ZNF449: variants seen among roughly 807,000 people sequenced by gnomAD.
The protein encoded by ZNF449 is zinc finger and SCAN domain-containing protein 19.
A neutral mutation model predicts 32.6 loss-of-function variants in ZNF449; 4 were observed. The ratio of observed to expected loss-of-function variants is 0.12; its 90% CI spans 0.06 to 0.28. ZNF449 has a LOEUF of 0.28. Among genes scored for constraint, ZNF449 ranks in the 10% least tolerant of loss-of-function variants. ZNF449 has a pLI of 1.00. For synonymous variants in ZNF449, 123 were observed against 132.2 expected, an observed-to-expected ratio of 0.93 and a Z score of 0.48; for missense variants, 275 against 383.2, an observed-to-expected ratio of 0.72 and a Z score of 2.36.
rs782351871 is a variant in ZNF449, at chrX:135,347,386, G to A, written c.268G>A (p.Val90Met). The A allele has an allele frequency of 1.6e-6, 2 of 1,212,253 alleles. No homozygotes were observed. Among genetic ancestry groups the A allele is most frequent in the Non-Finnish European group, 2.2e-6 (2 of 895,634 alleles). Residue 90 changes from valine to methionine, a missense_variant, in exon 2 of 5, where the codon GTG (valine) becomes ATG (methionine). Around this residue, in one of 3 missense-constraint regions of ZNF449, gnomAD observed 165 missense variants for 175.0 expected, o/e 0.94. Coordinates refer to ENST00000339249, the MANE Select transcript of ZNF449 (RefSeq NM_152695.6). Reference protein sequence around the residue: ...TILPTEIETWVREHCPENRER... With the variant: ...TILPTEIETWMREHCPENRER... ...CCTGCCCACAGAGATAGAGACCTGG[G>A]TGAGGGAGCACTGCCCAGAGAATAG... is the stretch of plus-strand genomic sequence containing the variant.
chrX:135,350,265 G>A (rs1056370168), intron 3 of ZNF449, among the ~76,000 whole-genome samples: 11 of 111,104 alleles, frequency 9.9e-5, no homozygotes, highest in South Asian at 7.6e-4. Context: ...GATTACAGGC[G>A]TGAGCCATTA....
intron 1 of ZNF449, among the ~76,000 whole-genome samples, chrX:135,345,290 T>G (rs1415226900): frequency 3.6e-5 from 4 of 112,603 alleles, no homozygotes; most frequent in African/African-American, 1.3e-4. Flanking sequence ...GAAATGAACG[T>G]TTCTCTGGGA....
Sources: gnomAD v4.1 joint callset for allele counts (sites outside exome capture counted in the v4.1 genomes callset) on GRCh38, gnomAD v4.1.1 for gene constraint, gnomAD v4.1.1 regional missense constraint, MANE v1.5 for transcripts, NCBI Gene and HGNC (gene_info 2026-07-23, HGNC 2026-07-21) for gene names.